Variants in TRAF3IP3 observed in about 807,000 individuals in gnomAD.
The protein encoded by TRAF3IP3 is TRAF3-interacting JNK-activating modulator.
In TRAF3IP3, 64 loss-of-function variants were observed where a neutral mutation model predicts 86.5. The observed-to-expected ratio is 0.74, with a 90% CI of 0.60 to 0.91. TRAF3IP3 has a LOEUF of 0.91. Among genes scored for constraint, TRAF3IP3 ranks in the 40% least tolerant of loss-of-function variants. TRAF3IP3 has a pLI of 0.00. For missense variants in TRAF3IP3, 579 were observed against 642.9 expected (o/e 0.90, Z 1.07); for synonymous variants, 220 against 243.9 (o/e 0.90, Z 0.91).
At chr1:209,763,657 C>A in intron 8 of TRAF3IP3, 70 bp downstream of exon 8, 1 of 1,289,340 alleles carries the variant, frequency 7.8e-7, no homozygotes, top group Non-Finnish European at 1.1e-6. Flanking sequence ...TTTCTTTCCA[C>A]ATCATCACAG....
chr1:209,770,067 A>G (rs2077434141), intron 8 of TRAF3IP3, among the ~76,000 whole-genome samples: 1 of 152,122 alleles, frequency 6.6e-6, no homozygotes. Flanking sequence ...ATACTGAAAA[A>G]CCGAGAAACA....
In TRAF3IP3 at chr1:209,760,023, G is replaced by A. The variant is rs1337940595; in HGVS notation, c.-17G>A. ...CAGGAACTGGAAGCCAAGCGCAACA[G>A]GTGCTTGGAGGTCATCATGATCAGC... On this transcript the variant is annotated 5_prime_UTR_variant, in exon 3 of 17. Coordinates refer to ENST00000367025, the MANE Select transcript of TRAF3IP3 (RefSeq NM_025228.4). 6.3e-7 allele frequency: 1 copy of A among 1,590,920 alleles called. No homozygotes were observed. The highest frequency in any genetic ancestry group is 8.6e-7 in the Non-Finnish European group (1 of 1,161,184).
chr1:209,780,358 G>A (rs2077749128), intron 14 of TRAF3IP3, 112 bp from the exon 15 acceptor site: 4 of 1,035,006 alleles, frequency 3.9e-6, no homozygotes, highest in Non-Finnish European at 5.3e-6. Flanking sequence ...CTAGCCAAGA[G>A]CACGCCCTCC....
intron 11 of TRAF3IP3, 82 bp downstream of exon 11, chr1:209,775,818 A>C: frequency 7.3e-7 from 1 of 1,370,704 alleles, no homozygotes; most frequent in Non-Finnish European, 9.9e-7. Context: ...TGGATTAGGG[A>C]CTCCAAAGGC....
At chr1:209,767,251 T>C (rs1366045545) in intron 8 of TRAF3IP3, among the ~76,000 whole-genome samples, 1 of 152,224 alleles carries the variant, frequency 6.6e-6, no homozygotes, top group Non-Finnish European at 1.5e-5. Flanking sequence ...TGAGAAACAC[T>C]GCTATAGGTA....
At chr1:209,763,619 T>TCC in intron 8 of TRAF3IP3, 32 bp downstream of exon 8, 22 of 1,563,380 alleles carry the variant, frequency 1.4e-5, no homozygotes, top group Non-Finnish European at 1.4e-5. Flanking sequence ...TGAACAAAGC[T>TCC]TGGGCTTCTA....
chr1:209,763,245 T>C, intron 6 of TRAF3IP3, 118 bp from the exon 7 acceptor site: 1 of 1,411,308 alleles, frequency 7.1e-7, no homozygotes, highest in South Asian at 1.2e-5. Context: ...AAAGGGACCC[T>C]GTCAGAGCCA....
chr1:209,769,127 T>A (rs2077414646), intron 8 of TRAF3IP3, among the ~76,000 whole-genome samples: 4 of 152,196 alleles, frequency 2.6e-5, no homozygotes, highest in Admixed American at 2.6e-4. Context: ...GGGAAAATTT[T>A]AAGAATATTG....
At chr1:209,766,048 G>A (rs560876553) in intron 8 of TRAF3IP3, among the ~76,000 whole-genome samples, 24 of 152,262 alleles carry the variant, frequency 1.6e-4, no homozygotes, top group African/African-American at 5.5e-4. Flanking sequence ...CAACCTCACC[G>A]GCCTGTGTGA....
At chr1:209,777,574 C>A in intron 12 of TRAF3IP3, 87 bp downstream of exon 12, 1 of 1,361,996 alleles carries the variant, frequency 7.3e-7, no homozygotes, top group Non-Finnish European at 9.9e-7. Flanking sequence ...AGAAAGGCTT[C>A]AGCCTTTTAT....
In TRAF3IP3 at chr1:209,781,402, C is replaced by A. The variant is rs753377939; in HGVS notation, c.1507C>A (p.Arg503Ser). The A allele has an allele frequency of 6.2e-7, 1 of 1,613,580 alleles. No homozygotes were observed. ...NLSDEYLSCL[R>S]KLQHCREELN... ...CAGTGACGAGTATCTCTCCTGCCTG[C>A]GTAAGCTGCAGCACTGTCGAGAAGA... Residue 503 changes from arginine to serine, a missense_variant, in exon 16 of 17, where the codon CGT (arginine) becomes AGT (serine). By Grantham distance (110) the Arg-to-Ser change is moderately radical. Transcript: ENST00000367025.
intron 1 of TRAF3IP3, among the ~76,000 whole-genome samples, chr1:209,757,151 T>C (rs1375724852): frequency 1.3e-5 from 2 of 152,218 alleles, no homozygotes; most frequent in East Asian, 3.9e-4. Context: ...AGCCAAGGCA[T>C]CTGGGAACAC....
intron 13 of TRAF3IP3, chr1:209,779,025 A>G: frequency 2.2e-6 from 1 of 457,854 alleles, no homozygotes; most frequent in Non-Finnish European, 3.9e-6. Context: ...CCATGAACAT[A>G]TCTGTGTCCA....
intron 6 of TRAF3IP3, 90 bp downstream of exon 6, chr1:209,763,182 G>A (rs2077278259): frequency 6.7e-7 from 1 of 1,484,172 alleles, no homozygotes; most frequent in Non-Finnish European, 9.4e-7. Context: ...CTGGGATGGA[G>A]GGGCATCTTC....
chr1:209,778,247 T>C (rs1341246071), intron 13 of TRAF3IP3, 74 bp downstream of exon 13: 1 of 1,289,212 alleles, frequency 7.8e-7, no homozygotes, highest in Non-Finnish European at 1.1e-6. Context: ...GCACCCAGAG[T>C]AGGGACTAAG....
At position 209,782,131 on chromosome 1, in the gene TRAF3IP3, G is replaced by T. The variant is rs1461695631; in HGVS notation, c.1639G>T (p.Asp547Tyr). 1 of 1,613,902 alleles carries T rather than the reference G, an allele frequency of 6.2e-7. No homozygotes were observed. The highest frequency in any genetic ancestry group is 1.3e-5 in the African/African-American group (1 of 74,918). Reference sequence around the variant, plus strand: ...ACTGGCAGTGTTCCTGGCCAATAAAGACAACCTGATGATCTGAATAATTTG... The same window carrying T: ...ACTGGCAGTGTTCCTGGCCAATAAATACAACCTGATGATCTGAATAATTTG... Reference protein sequence around the residue: ...AALAVFLANKDNLMI With the variant: ...AALAVFLANKYNLMI Residue 547 changes from aspartate to tyrosine, a missense_variant, in exon 17 of 17, where the codon GAC (aspartate) becomes TAC (tyrosine). Physicochemically the swap from Asp to Tyr is radical, Grantham distance 160. Transcript: ENST00000367025.
In TRAF3IP3 at chr1:209,772,550, T is replaced by C. The variant is rs1316269382; in HGVS notation, c.703-398T>C. Among the ~76,000 whole-genome samples, 6 of 152,262 alleles carry C rather than the reference T, an allele frequency of 3.9e-5. No individual in the cohort carries two copies. In the South Asian group the frequency reaches 1.0e-3, roughly 26 times the overall value. On this transcript the variant is annotated intron_variant, in intron 8 of 16. Transcript: ENST00000367025. Reference sequence around the variant, plus strand: ...GGAGGGGAGACTGCGTTAGCCTCACTGGCCTACATTTTACAGGGAAAAGTC... The same window carrying C: ...GGAGGGGAGACTGCGTTAGCCTCACCGGCCTACATTTTACAGGGAAAAGTC...
chr1:209,771,345 G>C (rs2077511472), intron 8 of TRAF3IP3, among the ~76,000 whole-genome samples: 1 of 148,982 alleles, frequency 6.7e-6, no homozygotes, highest in South Asian at 2.2e-4. Context: ...ATCTGTGCAT[G>C]TGGAGGTGTG....
chr1:209,763,025 T>C (rs2077274735), intron 5 of TRAF3IP3, 43 bp from the exon 6 acceptor site: 1 of 1,611,168 alleles, frequency 6.2e-7, no homozygotes, highest in Non-Finnish European at 8.5e-7. Flanking sequence ...CTGACTTGAT[T>C]CTTTGGTCCA....
Sources: allele counts gnomAD v4.1 joint callset (sites outside exome capture counted in the v4.1 genomes callset), GRCh38; gene constraint gnomAD v4.1.1; transcripts MANE v1.5; gene names NCBI Gene and HGNC (gene_info 2026-07-23, HGNC 2026-07-21).